The following SCYL2 variants were observed in gnomAD, a reference collection of about 807,000 sequenced individuals.
The protein encoded by SCYL2 is SCY1-like protein 2.
Under a neutral mutation model 100.4 loss-of-function variants are expected in SCYL2, and 36 were observed. That is an observed-to-expected ratio of 0.36 (90% CI 0.27 to 0.47). The LOEUF is 0.47. Ranked by LOEUF, SCYL2 falls within the 20% of genes least tolerant of loss-of-function variation. The pLI is 1.00. For missense variants in SCYL2, 902 were observed against 1,083.9 expected, an observed-to-expected ratio of 0.83 and a Z score of 2.36; for synonymous variants, 330 against 359.2, an observed-to-expected ratio of 0.92 and a Z score of 0.92.
chr12:100,324,864 A>G (rs1157013140), intron 11 of SCYL2, among the ~76,000 whole-genome samples: 2 of 152,226 alleles, frequency 1.3e-5, no homozygotes, highest in Non-Finnish European at 1.5e-5. Flanking sequence ...ATGCCCTTTT[A>G]AAGATCTTAC....
chr12:100,318,063 T>TATCAATAATG, intron 10 of SCYL2, 138 bp downstream of exon 10: 3 of 756,072 alleles, frequency 4.0e-6, no homozygotes, highest in Non-Finnish European at 5.9e-6. Flanking sequence ...AATCACATTA[T>TATCAATAATG]TGATATACTG....
intron 1 of SCYL2, among the ~76,000 whole-genome samples, chr12:100,273,787 A>G (rs1317697099): frequency 6.6e-6 from 1 of 152,152 alleles, no homozygotes; most frequent in Non-Finnish European, 1.5e-5. Context: ...TAGCATGTAC[A>G]TTCTTACCAC....
At chr12:100,293,795 T>A (rs1279389839) in intron 3 of SCYL2, among the ~76,000 whole-genome samples, 2 of 152,138 alleles carry the variant, frequency 1.3e-5, no homozygotes, top group Non-Finnish European at 2.9e-5. Context: ...CCTTAATCCA[T>A]TTAACCCTGA....
intron 2 of SCYL2, among the ~76,000 whole-genome samples, chr12:100,288,101 T>C (rs1424241553): frequency 6.6e-6 from 1 of 152,218 alleles, no homozygotes; most frequent in Non-Finnish European, 1.5e-5. Context: ...TGAAAGGCTT[T>C]GTACAGTGTA....
chr12:100,296,573 G>A (rs2096320905), intron 3 of SCYL2, among the ~76,000 whole-genome samples: 1 of 152,022 alleles, frequency 6.6e-6, no homozygotes, highest in Non-Finnish European at 1.5e-5. Context: ...GCTAACACTG[G>A]GGAATACAGA....
chr12:100,337,384 A>G lies in SCYL2; in HGVS notation c.2026-3A>G, dbSNP rs1952291736. ...TTGATTTTTTGCTTTATTTTGTTTT[A>G]AGGCATCACTTACACTTGAAGAAAA... is the stretch of plus-strand genomic sequence containing the variant. On this transcript the variant is annotated splice_polypyrimidine_tract_variant and splice_region_variant and intron_variant, in intron 16 of 17. Transcript: ENST00000360820. 2 of 1,600,062 alleles carry G rather than the reference A, an allele frequency of 1.2e-6. No individual in the cohort carries two copies. Among genetic ancestry groups the G allele is most frequent in the Non-Finnish European group, 8.5e-7 (1 of 1,176,602 alleles).
chr12:100,318,084 A>G (rs1304860917), intron 10 of SCYL2, among the ~76,000 whole-genome samples, 159 bp downstream of exon 10: 2 of 152,240 alleles, frequency 1.3e-5, no homozygotes, highest in Non-Finnish European at 2.9e-5. Flanking sequence ...TAACTAAAAT[A>G]TATTCACTCC....
At chr12:100,295,503 C>T (rs2096318641) in intron 3 of SCYL2, among the ~76,000 whole-genome samples, 1 of 152,062 alleles carries the variant, frequency 6.6e-6, no homozygotes, top group African/African-American at 2.4e-5. Flanking sequence ...GGAGACCGGC[C>T]AGGCCAACAC....
intron 13 of SCYL2, among the ~76,000 whole-genome samples, chr12:100,332,281 A>G (rs143098386): frequency 2.9e-4 from 44 of 152,300 alleles, no homozygotes; most frequent in African/African-American, 1.0e-3. Flanking sequence ...TCAAATTCCA[A>G]ACTCCCAGAA....
chr12:100,313,585 G>T, intron 7 of SCYL2, 47 bp downstream of exon 7: 1 of 1,008,018 alleles, frequency 9.9e-7, no homozygotes, highest in South Asian at 1.4e-5. Context: ...CAAAAAATGA[G>T]TTGAAGTAGA....
rs1463248138 is a variant in SCYL2, at chr12:100,326,793, A to G, written c.1642+39A>G. On this transcript the variant is annotated intron_variant, in intron 12 of 17. Transcript: ENST00000360820. ...TAATGTCATTTGATGCTATTTTATC[A>G]TGCAAATAAATTTTCCAATCTATAA... The G allele has an allele frequency of 2.5e-6, 4 of 1,570,810 alleles. No individual in the cohort carries two copies. The South Asian group carries it at 4.7e-5, about 19-fold the overall frequency.
chr12:100,309,080 C>T (rs1212393192), intron 4 of SCYL2, among the ~76,000 whole-genome samples: 1 of 151,182 alleles, frequency 6.6e-6, no homozygotes, highest in East Asian at 1.9e-4. Flanking sequence ...ACTGTGAGTG[C>T]TCACCTGATT....
At chr12:100,305,484 C>G (rs1044742986) in intron 4 of SCYL2, among the ~76,000 whole-genome samples, 2 of 152,182 alleles carry the variant, frequency 1.3e-5, no homozygotes, top group Non-Finnish European at 2.9e-5. Context: ...ATACCAGAAT[C>G]TCTGGGACAC....
chr12:100,272,122 G>T (rs2096288308), intron 1 of SCYL2, among the ~76,000 whole-genome samples: 1 of 152,118 alleles, frequency 6.6e-6, no homozygotes, highest in South Asian at 2.1e-4. Context: ...TCATACTGAA[G>T]CTACCCCAAA....
At chr12:100,303,370 C>G (rs1192091252) in intron 4 of SCYL2, among the ~76,000 whole-genome samples, 1 of 152,084 alleles carries the variant, frequency 6.6e-6, no homozygotes, top group Non-Finnish European at 1.5e-5. Flanking sequence ...CTGTTTTTTC[C>G]TCATCTTCAT....
chr12:100,267,857 T>G (rs1466476359), intron 1 of SCYL2, 65 bp downstream of exon 1: 1 of 152,686 alleles, frequency 6.5e-6, no homozygotes, highest in African/African-American at 2.4e-5. Context: ...GCCAGGGCCC[T>G]GCCGCCCGCC....
chr12:100,274,367 TA>T (rs2096290528), intron 1 of SCYL2, among the ~76,000 whole-genome samples: 1 of 152,234 alleles, frequency 6.6e-6, no homozygotes, highest in South Asian at 2.1e-4. Flanking sequence ...AATTGTCGTA[TA>T]TTGTGATAGT....
At chr12:100,312,317 C>T (rs2096343120) in intron 5 of SCYL2, 115 bp from the exon 6 acceptor site, 7 of 767,336 alleles carry the variant, frequency 9.1e-6, no homozygotes, top group Admixed American at 2.7e-5. Flanking sequence ...GGATTGAAGG[C>T]GTGATGGCAT....
At chr12:100,282,892 C>A in intron 1 of SCYL2, 51 bp from the exon 2 acceptor site, 1 of 837,216 alleles carries the variant, frequency 1.2e-6, no homozygotes. Context: ...TGAATAAATG[C>A]TTATATAGAT....
Sources: gnomAD v4.1 joint callset for allele counts (sites outside exome capture counted in the v4.1 genomes callset) on GRCh38, gnomAD v4.1.1 for gene constraint, MANE v1.5 for transcripts, NCBI Gene and HGNC (gene_info 2026-07-23, HGNC 2026-07-21) for gene names.